The following MARCHF4 variants were observed in gnomAD, a reference collection of about 807,000 sequenced individuals.
MARCHF4 encodes E3 ubiquitin-protein ligase MARCHF4.
MARCHF4 carries 14 observed loss-of-function variants against 43.9 expected under a neutral mutation model. The observed-to-expected ratio is 0.32, with a 90% confidence interval of 0.21 to 0.50. The LOEUF is 0.50. Among genes scored for constraint, MARCHF4 ranks in the 20% least tolerant of loss-of-function variants. MARCHF4 has a pLI of 0.98. For missense variants in MARCHF4, 468 were observed against 536.7 expected, an observed-to-expected ratio of 0.87 and a Z score of 1.27; for synonymous variants, 226 against 213.3, an observed-to-expected ratio of 1.06 and a Z score of -0.52.
chr2:216,324,419 T>A (rs1364910059), intron 1 of MARCHF4, among the ~76,000 whole-genome samples: 2 of 151,588 alleles, frequency 1.3e-5, no homozygotes, highest in African/African-American at 4.9e-5. Flanking sequence ...CTTCTGAAAC[T>A]ATTCCAATCA....
At chr2:216,337,840 G>T (rs1004244656) in intron 1 of MARCHF4, among the ~76,000 whole-genome samples, 1 of 152,140 alleles carries the variant, frequency 6.6e-6, no homozygotes, top group Non-Finnish European at 1.5e-5. Flanking sequence ...TGACATACAG[G>T]GTTTGCATCC....
At chr2:216,260,997 A>G (rs1160445443) in intron 3 of MARCHF4, among the ~76,000 whole-genome samples, 1 of 152,176 alleles carries the variant, frequency 6.6e-6, no homozygotes, top group Non-Finnish European at 1.5e-5. Flanking sequence ...AAAGATCTGG[A>G]CAACTTCGAA....
At chr2:216,359,424 C>T (rs973666516) in intron 1 of MARCHF4, among the ~76,000 whole-genome samples, 3 of 152,226 alleles carry the variant, frequency 2.0e-5, no homozygotes, top group Admixed American at 6.5e-5. Context: ...AAGGCAATTA[C>T]AGCTTTTTAC....
At chr2:216,347,811 T>C (rs540705004) in intron 1 of MARCHF4, among the ~76,000 whole-genome samples, 27 of 144,538 alleles carry the variant, frequency 1.9e-4, no homozygotes, top group Non-Finnish European at 4.0e-4. Flanking sequence ...AATTGGGGAT[T>C]AGGCACAGGG....
chr2:216,322,407 G>T (rs772034663), intron 1 of MARCHF4, among the ~76,000 whole-genome samples: 4 of 152,196 alleles, frequency 2.6e-5, no homozygotes, highest in Non-Finnish European at 5.9e-5. Context: ...TAACTAGGGG[G>T]TCCATCAGTG....
At chr2:216,356,124 C>A (rs1692498241) in intron 1 of MARCHF4, among the ~76,000 whole-genome samples, 1 of 152,268 alleles carries the variant, frequency 6.6e-6, no homozygotes, top group African/African-American at 2.4e-5. Flanking sequence ...CACATTCCTT[C>A]AGTGTGCGAA....
At chr2:216,280,203 G>C (rs1691105697) in intron 2 of MARCHF4, among the ~76,000 whole-genome samples, 1 of 152,020 alleles carries the variant, frequency 6.6e-6, no homozygotes, top group South Asian at 2.1e-4. Flanking sequence ...AAACTCACAG[G>C]AGGGCTGGGA....
chr2:216,326,089 A>G (rs1327579353), intron 1 of MARCHF4, among the ~76,000 whole-genome samples: 4 of 143,986 alleles, frequency 2.8e-5, no homozygotes, highest in African/African-American at 1.0e-4. Context: ...TCCAGAATCT[A>G]CAATGAACTC....
intron 3 of MARCHF4, among the ~76,000 whole-genome samples, chr2:216,261,129 T>G (rs1210971994): frequency 6.6e-6 from 1 of 152,136 alleles, no homozygotes; most frequent in African/African-American, 2.4e-5. Context: ...ATTGCTGCAG[T>G]GACAAAATAC....
At chr2:216,350,696 C>T (rs1018864706) in intron 1 of MARCHF4, among the ~76,000 whole-genome samples, 5 of 152,356 alleles carry the variant, frequency 3.3e-5, no homozygotes, top group African/African-American at 4.8e-5. Flanking sequence ...CCACTGGCCT[C>T]TGACTCATGC....
chr2:216,354,891 TTTTCTTTCTTTCTTTCTTTC>T (rs71054468), intron 1 of MARCHF4, among the ~76,000 whole-genome samples: 2,322 of 86,682 alleles, frequency 0.027, 71 homozygotes, highest in African/African-American at 0.043. Flanking sequence ...TTAATAATTG[TTTTCTTTCTTTCTTTCTTTC>T]TTTCTTTCTT....
chr2:216,259,442 G>C lies in MARCHF4; in HGVS notation c.1103C>G (p.Pro368Arg). Residue 368 changes from proline to arginine, a missense_variant, in exon 4 of 4, where the codon CCC (proline) becomes CGC (arginine). Pro to Arg is a moderately radical substitution (Grantham distance 103, BLOSUM62 -2). Around this residue, in one of 3 missense-constraint regions of MARCHF4, gnomAD observed 120 missense variants for 127.1 expected, o/e 0.94. Transcript: ENST00000273067. ...GTGGTGATGGGACAGAGGGCCTGAG[G>C]GGTGGCCGGCAGCCTGGGCAGGGCC... is the stretch of plus-strand genomic sequence containing the variant. ...EQGPAQAAGHPSGPLSHHHCA... is the reference protein window; with the variant it reads ...EQGPAQAAGHRSGPLSHHHCA... The C allele has an allele frequency of 6.2e-7, 1 of 1,614,144 alleles. No homozygotes were observed. Among genetic ancestry groups the C allele is most frequent in the Non-Finnish European group, 8.5e-7 (1 of 1,180,002 alleles).
intron 1 of MARCHF4, among the ~76,000 whole-genome samples, chr2:216,325,139 A>G (rs1445778773): frequency 1.3e-5 from 2 of 152,216 alleles, no homozygotes; most frequent in Non-Finnish European, 2.9e-5. Context: ...AAATCAATGT[A>G]CAAAAATCAC....
intron 1 of MARCHF4, among the ~76,000 whole-genome samples, chr2:216,336,837 C>A (rs534588093): frequency 4.2e-5 from 6 of 141,414 alleles, no homozygotes; most frequent in Non-Finnish European, 7.6e-5. Flanking sequence ...CATTGACCAA[C>A]AATTCTGCTT....
chr2:216,347,950 C>G (rs1692345954), intron 1 of MARCHF4, among the ~76,000 whole-genome samples: 1 of 150,180 alleles, frequency 6.7e-6, no homozygotes, highest in South Asian at 2.1e-4. Context: ...GCATTTTAAC[C>G]AGAGCAACTC....
intron 1 of MARCHF4, among the ~76,000 whole-genome samples, chr2:216,287,644 G>A (rs1031268107): frequency 3.3e-5 from 4 of 120,370 alleles, no homozygotes; most frequent in Non-Finnish European, 6.8e-5. Context: ...GTTGTGGGGT[G>A]GGGGGAGGGG....
At chr2:216,314,823 G>A (rs1404652149) in intron 1 of MARCHF4, among the ~76,000 whole-genome samples, 1 of 152,102 alleles carries the variant, frequency 6.6e-6, no homozygotes, top group Non-Finnish European at 1.5e-5. Context: ...GGCAGAGAGG[G>A]CAAGTGGTAA....
At chr2:216,350,687 C>CCT (rs1360530490) in intron 1 of MARCHF4, among the ~76,000 whole-genome samples, 1 of 152,194 alleles carries the variant, frequency 6.6e-6, no homozygotes, top group African/African-American at 2.4e-5. Context: ...TCTAGGAAGC[C>CCT]ACTGGCCTCT....
At chr2:216,270,834 C>T (rs1268288552) in intron 3 of MARCHF4, among the ~76,000 whole-genome samples, 1 of 152,126 alleles carries the variant, frequency 6.6e-6, no homozygotes, top group Non-Finnish European at 1.5e-5. Context: ...CCTATCAAAT[C>T]TACATCCTAA....
Sources: gnomAD v4.1 joint callset for allele counts (sites outside exome capture counted in the v4.1 genomes callset) on GRCh38, gnomAD v4.1.1 for gene constraint, gnomAD v4.1.1 regional missense constraint, MANE v1.5 for transcripts, NCBI Gene and HGNC (gene_info 2026-07-23, HGNC 2026-07-21) for gene names.